Variants in B3GAT2 observed in about 807,000 individuals in gnomAD.
B3GAT2 encodes galactosylgalactosylxylosylprotein 3-beta-glucuronosyltransferase 2.
Under a neutral mutation model 27.8 loss-of-function variants are expected in B3GAT2, and 26 were observed. That is an observed-to-expected ratio of 0.93 (90% CI 0.68 to 1.30). The LOEUF is 1.30. Among genes scored for constraint, B3GAT2 ranks in the 50% most tolerant of loss-of-function variants. The probability of loss-of-function intolerance (pLI) is 0.00; values close to 1 mark genes in which losing one functional copy is unlikely to be tolerated. For missense variants in B3GAT2, 458 were observed against 459.0 expected (o/e 1.00, Z 0.02); for synonymous variants, 218 against 195.1 (o/e 1.12, Z -0.98).
At chr6:70,951,776 C>T (rs1765581178) in intron 1 of B3GAT2, among the ~76,000 whole-genome samples, 1 of 152,026 alleles carries the variant, frequency 6.6e-6, no homozygotes, top group Non-Finnish European at 1.5e-5. Flanking sequence ...CTATAAAATT[C>T]TCACATTTTA....
rs1582381613 is a variant in B3GAT2, at chr6:70,921,061, T to C, written c.592-26789A>G. ...TTTCTCTAGCTGCCTTAGTATTTTT[T>C]CTTTGATGTTGACGTTGGAGAATCT... On this transcript the variant is annotated intron_variant, in intron 1 of 3. Transcript: ENST00000230053. 2.6e-5 allele frequency among the ~76,000 whole-genome samples: 4 copies of C among 152,344 alleles called. No homozygotes were observed. The East Asian group carries it at 7.7e-4, about 29-fold the overall frequency.
rs1250969904 is a variant in B3GAT2 at position 70,858,673 on chromosome 6, C to G, written c.*2990G>C. The G allele has an allele frequency of 6.4e-6, 1 of 155,124 alleles. No homozygotes were observed. Among genetic ancestry groups the G allele is most frequent in the African/African-American group, 2.4e-5 (1 of 41,442 alleles). The allele number at this position is 155,124 out of a possible 1,614,324, so 9.6% of individuals were successfully genotyped here. On this transcript the variant is annotated 3_prime_UTR_variant, in exon 4 of 4. Transcript: ENST00000230053. ...TTTTATTAGAAAATAAAAATCTAGCCTCATATTCTCAAAGCACTATTTTAT... is the reference window on the plus strand; with the variant it reads ...TTTTATTAGAAAATAAAAATCTAGCGTCATATTCTCAAAGCACTATTTTAT...
chr6:70,919,181 T>C (rs532283371), intron 1 of B3GAT2, among the ~76,000 whole-genome samples: 4 of 152,360 alleles, frequency 2.6e-5, no homozygotes, highest in South Asian at 2.1e-4. Context: ...TTTCGCTTGA[T>C]TGAATCAGCT....
chr6:70,948,147 G>A (rs369817342), intron 1 of B3GAT2, among the ~76,000 whole-genome samples: 3 of 148,508 alleles, frequency 2.0e-5, no homozygotes, highest in East Asian at 2.0e-4. Flanking sequence ...AAAAACTGGA[G>A]GCATTCCCTT....
intron 2 of B3GAT2, among the ~76,000 whole-genome samples, chr6:70,862,854 G>A (rs571344705): frequency 2.6e-5 from 4 of 152,248 alleles, no homozygotes; most frequent in African/African-American, 9.6e-5. Context: ...GTGCGTGCCT[G>A]TAGTCCCAGC....
intron 1 of B3GAT2, among the ~76,000 whole-genome samples, chr6:70,915,238 CT>C (rs765749859): frequency 6.6e-6 from 1 of 152,094 alleles, no homozygotes; most frequent in Non-Finnish European, 1.5e-5. Flanking sequence ...CCTTTGCCCA[CT>C]TTTTGATGCA....
At chr6:70,877,215 C>CA (rs953267502) in intron 2 of B3GAT2, among the ~76,000 whole-genome samples, 34 of 152,308 alleles carry the variant, frequency 2.2e-4, no homozygotes, top group South Asian at 1.2e-3. Flanking sequence ...AGATGGGCCC[C>CA]ACCGGGGGTG....
At chr6:70,878,592 G>C (rs1405732142) in intron 2 of B3GAT2, among the ~76,000 whole-genome samples, 1 of 150,484 alleles carries the variant, frequency 6.6e-6, no homozygotes, top group Non-Finnish European at 1.5e-5. Context: ...GTTTTATTTA[G>C]AGCAATTTAA....
chr6:70,873,312 T>C (rs1313545473), intron 2 of B3GAT2, among the ~76,000 whole-genome samples: 1 of 152,182 alleles, frequency 6.6e-6, no homozygotes, highest in African/African-American at 2.4e-5. Context: ...TTTTGAAGGA[T>C]AGTTTTGCTG....
At chr6:70,877,160 C>T (rs1314781374) in intron 2 of B3GAT2, among the ~76,000 whole-genome samples, 2 of 152,064 alleles carry the variant, frequency 1.3e-5, no homozygotes, top group African/African-American at 4.8e-5. Context: ...GGTAGAGAGA[C>T]CAGCAAAGTG....
intron 1 of B3GAT2, among the ~76,000 whole-genome samples, chr6:70,914,863 CAT>C (rs948396128): frequency 3.0e-4 from 45 of 152,250 alleles, no homozygotes; most frequent in Middle Eastern, 3.4e-3. Context: ...CTGCAATAAA[CAT>C]ATGTGTGCAT....
At chr6:70,898,515 C>T (rs9455242) in intron 1 of B3GAT2, among the ~76,000 whole-genome samples, 4,535 of 152,172 alleles carry the variant, frequency 0.03, 79 homozygotes, top group African/African-American at 0.045. Context: ...CCAGGTTAAA[C>T]CTAATACATA....
intron 2 of B3GAT2, among the ~76,000 whole-genome samples, chr6:70,872,086 A>T (rs907945733): frequency 1.3e-5 from 2 of 151,906 alleles, no homozygotes; most frequent in African/African-American, 4.8e-5. Flanking sequence ...AGTTATTTTA[A>T]ATTGTGTCCT....
Position 70,857,063 on chromosome 6 carries a change from T to A in B3GAT2, c.*4600A>T, listed in dbSNP as rs749317678. ...ATTTTGATATCTGCTTTCAGTGACA[T>A]TACTAGAAGTACATCCTTTGTAATT... On this transcript the variant is annotated 3_prime_UTR_variant, in exon 4 of 4. Coordinates refer to ENST00000230053, the MANE Select transcript of B3GAT2 (RefSeq NM_080742.3). 1 of 1,558,778 alleles carries A rather than the reference T, an allele frequency of 6.4e-7. No individual in the cohort carries two copies. Among genetic ancestry groups the A allele is most frequent in the South Asian group, 1.2e-5 (1 of 81,728 alleles).
intron 1 of B3GAT2, among the ~76,000 whole-genome samples, chr6:70,925,161 A>C (rs1203950256): frequency 6.6e-6 from 1 of 152,108 alleles, no homozygotes; most frequent in Non-Finnish European, 1.5e-5. Flanking sequence ...TCCTTGAAAA[A>C]ACCCTAGCAG....
intron 1 of B3GAT2, among the ~76,000 whole-genome samples, chr6:70,919,296 T>C (rs1336570712): frequency 2.0e-5 from 3 of 152,196 alleles, no homozygotes; most frequent in Admixed American, 2.0e-4. Context: ...TAGTTAGCCA[T>C]TCATCTAGCA....
At position 70,950,014 on chromosome 6, in the gene B3GAT2, T is replaced by C. The variant is rs1009070517; in HGVS notation, c.591+5825A>G. On this transcript the variant is annotated intron_variant, in intron 1 of 3. Coordinates refer to ENST00000230053, the MANE Select transcript of B3GAT2 (RefSeq NM_080742.3). The stretch of plus-strand genomic sequence containing the variant: ...ATGGGAATTGAACAATGAGAACACA[T>C]GGACACAGGAAGGGGAACATCACAC... 4.3e-3 allele frequency among the ~76,000 whole-genome samples: 563 copies of C among 129,818 alleles called. 11 individuals are homozygous for C. The highest frequency in any genetic ancestry group is 5.0e-3 in the Admixed American group (57 of 11,354). The allele number at this position is 129,818 out of a possible 152,430, so 85.2% of individuals were successfully genotyped here.
At chr6:70,864,296 T>G (rs533867641) in intron 2 of B3GAT2, among the ~76,000 whole-genome samples, 1 of 152,328 alleles carries the variant, frequency 6.6e-6, no homozygotes, top group East Asian at 1.9e-4. Flanking sequence ...TCACGACCAC[T>G]GAAGGATTCA....
intron 1 of B3GAT2, among the ~76,000 whole-genome samples, chr6:70,919,229 A>G (rs569117108): frequency 6.6e-6 from 1 of 152,248 alleles, no homozygotes; most frequent in African/African-American, 2.4e-5. Context: ...TTCTTGTACT[A>G]TGGTTTTAAG....
Sources: gnomAD v4.1 joint callset for allele counts (sites outside exome capture counted in the v4.1 genomes callset) on GRCh38, gnomAD v4.1.1 for gene constraint, MANE v1.5 for transcripts, NCBI Gene and HGNC (gene_info 2026-07-23, HGNC 2026-07-21) for gene names.